NBPF9: variants seen among roughly 807,000 people sequenced by gnomAD.
NBPF9 encodes NBPF family member NBPF9.
In NBPF9, 91 loss-of-function variants were observed where a neutral mutation model predicts 97.8. The observed-to-expected ratio is 0.93, with a 90% CI of 0.79 to 1.11. The LOEUF (loss-of-function observed/expected upper bound fraction) is 1.11, where lower values mean the gene tolerates loss of function less well. Ranked by LOEUF, NBPF9 falls within the 50% of genes least tolerant of loss-of-function variation. The probability of loss-of-function intolerance (pLI) is 0.00; values close to 1 mark genes in which losing one functional copy is unlikely to be tolerated. For synonymous variants in NBPF9, 334 were observed against 359.5 expected (o/e 0.93, Z 0.80); for missense variants, 992 against 939.5 (o/e 1.06, Z -0.73).
intron 3 of NBPF9, among the ~76,000 whole-genome samples, chr1:149,099,355 G>C (rs1191280504): frequency 6.6e-6 from 1 of 152,312 alleles, no homozygotes; most frequent in Non-Finnish European, 1.5e-5. Context: ...TTTATGTCAG[G>C]TTGACTGTGA....
intron 5 of NBPF9, among the ~76,000 whole-genome samples, chr1:149,084,831 TGCA>T (rs1394638749): frequency 6.7e-6 from 1 of 149,730 alleles, no homozygotes; most frequent in Non-Finnish European, 1.5e-5. Flanking sequence ...GACTCACTGC[TGCA>T]GGATGGGGAA....
intron 12 of NBPF9, among the ~76,000 whole-genome samples, chr1:149,074,882 G>A (rs2079723815): frequency 6.6e-6 from 1 of 150,958 alleles, no homozygotes; most frequent in South Asian, 2.1e-4. Context: ...CAAAACCTTG[G>A]CTCACTGCAA....
At chr1:149,076,170 T>A (rs1422420471) in intron 11 of NBPF9, among the ~76,000 whole-genome samples, 1 of 151,966 alleles carries the variant, frequency 6.6e-6, no homozygotes, top group African/African-American at 2.4e-5. Flanking sequence ...GCACAAAAGA[T>A]TTCATTTTGC....
chr1:149,064,919 T>C, intron 18 of NBPF9: 1 of 526,002 alleles, frequency 1.9e-6, no homozygotes, highest in Non-Finnish European at 3.4e-6. Flanking sequence ...AAAATGTAAC[T>C]TGGTTCTACA....
intron 4 of NBPF9, among the ~76,000 whole-genome samples, chr1:149,094,822 A>T (rs2081634635): frequency 7.0e-6 from 1 of 142,924 alleles, no homozygotes; most frequent in Non-Finnish European, 1.5e-5. Flanking sequence ...AGGCTAACAC[A>T]CAAGGAGTCA....
At chr1:149,055,542 C>T (rs1267061409) in exon 30 of NBPF9, 3 of 1,567,856 alleles carry the variant, frequency 1.9e-6, no homozygotes, top group Admixed American at 1.8e-5. Flanking sequence ...GAGCCATGCC[C>T]ACTGACCCAT....
At chr1:149,058,796 A>G (rs2078407479) in intron 26 of NBPF9, 129 bp downstream of exon 26, 8 of 680,052 alleles carry the variant, frequency 1.2e-5, no homozygotes, top group South Asian at 1.1e-4. Flanking sequence ...ATTACAACCT[A>G]TATGCGCCCA....
chr1:149,055,695 G>T (rs200807256), exon 30 of NBPF9: 14 of 1,611,794 alleles, frequency 8.7e-6, no homozygotes, highest in South Asian at 2.2e-5. Context: ...ACACCAGGTG[G>T]AGACTTGTCA....
intron 20 of NBPF9, among the ~76,000 whole-genome samples, chr1:149,063,185 C>G (rs587645305): frequency 1.4e-5 from 2 of 141,606 alleles, no homozygotes; most frequent in East Asian, 4.3e-4. Flanking sequence ...CCATATTTTT[C>G]CAATCGATTT....
At position 149,059,370 on chromosome 1, in the gene NBPF9, C is replaced by T. The variant is rs1235934943; in HGVS notation, c.2586-273G>A. ...ACACTGATGAAGGAGTAAAAGGACA[C>T]TCTGAGTTCGTGCCCTCATGACACA... On this transcript the variant is annotated intron_variant, in intron 25 of 29. Coordinates refer to ENST00000584027, the Ensembl canonical transcript of NBPF9. The T allele has an allele frequency of 1.0e-3, 453 of 443,636 alleles. 33 individuals are homozygous for T. The East Asian group carries it at 0.013, about 13-fold the overall frequency. 27.5% of individuals were successfully genotyped at this position (443,636 alleles called of 1,614,324 possible). A position where few individuals can be genotyped will look rare whatever the true frequency, so the allele number is the denominator to read the frequency against.
At position 149,061,464 on chromosome 1, in the gene NBPF9, A is replaced by G; in HGVS notation, c.2252-81T>C. 2 of 441,506 alleles carry G rather than the reference A, an allele frequency of 4.5e-6. 1 individual carries two copies. The highest frequency in any genetic ancestry group is 8.9e-5 in the East Asian group (2 of 22,574). The allele number at this position is 441,506 out of a possible 1,614,324, so 27.3% of individuals were successfully genotyped here. ...ACAGTCCACTGTCTAATCCCCACAC[A>G]GGGATCTCAGGCTCCTCAGCATGAG... On this transcript the variant is annotated intron_variant, in intron 22 of 29. Transcript: ENST00000584027.
intron 21 of NBPF9, 149 bp from the exon 22 acceptor site, chr1:149,062,414 G>T (rs2078677972): frequency 2.9e-6 from 2 of 680,442 alleles, no homozygotes; most frequent in East Asian, 5.3e-5. Context: ...CTTTAGGTTG[G>T]GATAGACCAG....
intron 1 of NBPF9, among the ~76,000 whole-genome samples, chr1:149,103,068 G>A (rs1441047923): frequency 1.4e-4 from 22 of 152,086 alleles, no homozygotes; most frequent in African/African-American, 4.8e-4. Flanking sequence ...ACCCGCCAGC[G>A]AGTTTCTTCC....
chr1:149,084,498 CGAG>C (rs1277110273), intron 5 of NBPF9, among the ~76,000 whole-genome samples: 3 of 147,582 alleles, frequency 2.0e-5, no homozygotes, highest in Non-Finnish European at 3.0e-5. Context: ...AGAGTCGTGG[CGAG>C]GAGGACAGCA....
chr1:149,074,517 G>A (rs587693071), intron 12 of NBPF9, among the ~76,000 whole-genome samples: 1 of 151,442 alleles, frequency 6.6e-6, no homozygotes, highest in African/African-American at 2.4e-5. Flanking sequence ...AATGTTCTAG[G>A]AGACTGACAA....
In NBPF9 at chr1:149,097,625, G is replaced by A. The variant is rs1387861214; in HGVS notation, c.-337+813C>T. On this transcript the variant is annotated intron_variant, in intron 4 of 29. Coordinates refer to ENST00000584027, the Ensembl canonical transcript of NBPF9. ...CCCACTCCCCCAGGACCTGGTGGAC[G>A]GCCACGTGAGAAGGATACAAACAGG... is the stretch of plus-strand genomic sequence containing the variant. Among the ~76,000 whole-genome samples, 7 of 152,192 alleles carry A rather than the reference G, an allele frequency of 4.6e-5. No homozygotes were observed. In the East Asian group the frequency reaches 5.8e-4, roughly 13 times the overall value.
intron 5 of NBPF9, among the ~76,000 whole-genome samples, chr1:149,089,702 T>C (rs2081291447): frequency 6.6e-6 from 1 of 152,312 alleles, no homozygotes; most frequent in African/African-American, 2.4e-5. Flanking sequence ...CGTAAAGCAC[T>C]CAACCAGGAG....
chr1:149,052,291 A>G (rs11490269), downstream of NBPF9, among the ~76,000 whole-genome samples: 1 of 152,120 alleles, frequency 6.6e-6, no homozygotes, highest in Admixed American at 6.6e-5. Flanking sequence ...GTACTAAGAG[A>G]ACAAATATAA....
intron 11 of NBPF9, among the ~76,000 whole-genome samples, chr1:149,076,394 G>A (rs1163833467): frequency 1.3e-5 from 2 of 150,986 alleles, no homozygotes; most frequent in African/African-American, 2.4e-5. Flanking sequence ...ATGGGGTTTC[G>A]CCATCTTGGA....
Sources: gnomAD v4.1 joint callset for allele counts (sites outside exome capture counted in the v4.1 genomes callset) on GRCh38, gnomAD v4.1.1 for gene constraint, MANE v1.5 for transcripts, NCBI Gene and HGNC (gene_info 2026-07-23, HGNC 2026-07-21) for gene names.